Variants in TNKS observed in about 807,000 individuals in gnomAD.
TNKS encodes the protein tankyrase, also known as poly [ADP-ribose] polymerase tankyrase-1.
A neutral mutation model predicts 135.8 loss-of-function variants in TNKS; 72 were observed. That is an observed-to-expected ratio of 0.53 (90% CI 0.44 to 0.64). The LOEUF (loss-of-function observed/expected upper bound fraction) is 0.64. Among genes scored for constraint, TNKS ranks in the 30% least tolerant of loss-of-function variants. The pLI, the probability that TNKS is intolerant of heterozygous loss-of-function variation, is 0.00. For missense variants in TNKS, 1,769 were observed against 1,674.0 expected (o/e 1.06, Z -0.99); for synonymous variants, 849 against 649.3 (o/e 1.31, Z -4.68).
rs552034622 is a variant in TNKS at position 9,658,642 on chromosome 8, A to G, written c.995-21309A>G. On this transcript the variant is annotated intron_variant, in intron 3 of 26. Coordinates refer to ENST00000310430, the MANE Select transcript of TNKS (RefSeq NM_003747.3). ...CCACTGCAAAAACATGCCAAATTGT[A>G]AAGACCTTCAAGACTAGGAAGAAAC... Among the ~76,000 whole-genome samples the G allele has an allele frequency of 3.4e-4, 52 of 152,372 alleles. 2 individuals carry two copies. The South Asian group carries it at 0.011, about 32-fold the overall frequency.
chr8:9,573,292 C>T (rs1471508894), intron 1 of TNKS, among the ~76,000 whole-genome samples: 3 of 152,290 alleles, frequency 2.0e-5, no homozygotes, highest in East Asian at 1.9e-4. Context: ...AATTCCAGGG[C>T]TGCCACATGG....
At chr8:9,731,458 C>CT (rs1432920871) in intron 14 of TNKS, among the ~76,000 whole-genome samples, 9 of 54,994 alleles carry the variant, frequency 1.6e-4, no homozygotes, top group African/African-American at 4.7e-4. Flanking sequence ...GAAATTCCAT[C>CT]TCAAAAAAAA....
At chr8:9,635,414 G>C (rs1800473096) in intron 3 of TNKS, among the ~76,000 whole-genome samples, 1 of 152,176 alleles carries the variant, frequency 6.6e-6, no homozygotes, top group Admixed American at 6.5e-5. Flanking sequence ...TAATCAATGT[G>C]GAGGGACTGT....
intron 5 of TNKS, among the ~76,000 whole-genome samples, chr8:9,682,105 G>C (rs547471613): frequency 6.6e-6 from 1 of 152,042 alleles, no homozygotes; most frequent in Non-Finnish European, 1.5e-5. Flanking sequence ...TCACACTCTT[G>C]TGTGCACTTG....
intron 17 of TNKS, among the ~76,000 whole-genome samples, chr8:9,744,110 A>G (rs1055505649): frequency 1.3e-5 from 2 of 152,208 alleles, no homozygotes; most frequent in Admixed American, 6.5e-5. Context: ...AAAAAAATAC[A>G]TATTTATTTA....
At chr8:9,656,229 T>C (rs935110723) in intron 3 of TNKS, among the ~76,000 whole-genome samples, 2 of 152,138 alleles carry the variant, frequency 1.3e-5, no homozygotes, top group African/African-American at 2.4e-5. Context: ...CCAAGAAATA[T>C]GGAACTATGT....
intron 3 of TNKS, among the ~76,000 whole-genome samples, chr8:9,630,978 T>C (rs1378522620): frequency 6.6e-6 from 1 of 152,208 alleles, no homozygotes; most frequent in Non-Finnish European, 1.5e-5. Context: ...ACATACATTT[T>C]CATGACCTTT....
intron 20 of TNKS, among the ~76,000 whole-genome samples, chr8:9,756,975 T>G (rs370217069): frequency 1.4e-4 from 22 of 152,138 alleles, no homozygotes; most frequent in East Asian, 1.4e-3. Context: ...TTGTTTGTTT[T>G]TTTTTGTTTG....
At chr8:9,600,780 A>G (rs181619500) in intron 2 of TNKS, among the ~76,000 whole-genome samples, 3 of 152,174 alleles carry the variant, frequency 2.0e-5, no homozygotes, top group East Asian at 1.9e-4. Context: ...GGTCACTTTT[A>G]TATGAAAGAC....
chr8:9,714,572 CTG>C (rs1263975965), intron 11 of TNKS, among the ~76,000 whole-genome samples: 1 of 152,170 alleles, frequency 6.6e-6, no homozygotes, highest in East Asian at 2.0e-4. Flanking sequence ...ATAATCAAGA[CTG>C]TAGTAGATAC....
At position 9,774,509 on chromosome 8, in the gene TNKS, G is replaced by A. The variant is rs183243815; in HGVS notation, c.3898-2141G>A. Among the ~76,000 whole-genome samples, 66 of 152,262 alleles carry A rather than the reference G, an allele frequency of 4.3e-4. No individual in the cohort carries two copies. The Middle Eastern group carries it at 0.017, about 39-fold the overall frequency. On this transcript the variant is annotated intron_variant, in intron 26 of 26. Coordinates refer to ENST00000310430, the MANE Select transcript of TNKS (RefSeq NM_003747.3). The stretch of plus-strand genomic sequence containing the variant: ...AAATAAATACATACATACATCCTAC[G>A]CTGGTATAACCAGCATGGATTTAAA...
chr8:9,648,747 T>C (rs1161676156), intron 3 of TNKS, among the ~76,000 whole-genome samples: 2 of 152,194 alleles, frequency 1.3e-5, no homozygotes, highest in Non-Finnish European at 2.9e-5. Flanking sequence ...ATATGTGGTC[T>C]CTTATTGACC....
At chr8:9,581,447 C>T (rs751888201) in intron 2 of TNKS, among the ~76,000 whole-genome samples, 2 of 152,204 alleles carry the variant, frequency 1.3e-5, no homozygotes, top group African/African-American at 2.4e-5. Context: ...CTAAGTCTCT[C>T]ACTAACATAG....
chr8:9,779,478 G>A lies in TNKS; in HGVS notation c.*2742G>A, dbSNP rs1314048919. The A allele has an allele frequency of 6.6e-6, 1 of 152,064 alleles. No individual in the cohort carries two copies. Among genetic ancestry groups the A allele is most frequent in the East Asian group, 1.9e-4 (1 of 5,190 alleles). 9.4% of individuals were successfully genotyped at this position (152,064 alleles called of 1,614,324 possible). On this transcript the variant is annotated 3_prime_UTR_variant, in exon 27 of 27. Transcript: ENST00000310430. ...CTCTACCCGAGTTCCAAAACTAAAG[G>A]GCTTCTCCAGACCTGATGGTTCCAG...
At chr8:9,756,702 C>A (rs534499714) in intron 20 of TNKS, among the ~76,000 whole-genome samples, 57 of 152,248 alleles carry the variant, frequency 3.7e-4, no homozygotes, top group Admixed American at 9.8e-4. Flanking sequence ...TCATAGTTAC[C>A]CAGCTACAGA....
In TNKS at chr8:9,755,183, A is replaced by C. The variant is rs1300682192; in HGVS notation, c.3153+2557A>C. ...TTTTAAATTTATATCGTATATTCGCATTGTCAGTAACTGACTTCCTGTGGC... is the reference window on the plus strand; with the variant it reads ...TTTTAAATTTATATCGTATATTCGCCTTGTCAGTAACTGACTTCCTGTGGC... On this transcript the variant is annotated intron_variant, in intron 20 of 26. Coordinates refer to ENST00000310430, the MANE Select transcript of TNKS (RefSeq NM_003747.3). Among the ~76,000 whole-genome samples, 3 of 152,190 alleles carry C rather than the reference A, an allele frequency of 2.0e-5. No homozygotes were observed. In the East Asian group the frequency reaches 5.8e-4, roughly 29 times the overall value.
intron 3 of TNKS, among the ~76,000 whole-genome samples, chr8:9,623,564 G>A (rs550469922): frequency 1.2e-4 from 18 of 152,066 alleles, no homozygotes; most frequent in South Asian, 2.1e-4. Flanking sequence ...AAATGCTAAC[G>A]AAGTGAGCAC....
chr8:9,729,592 G>A (rs1805324888), intron 13 of TNKS, among the ~76,000 whole-genome samples: 1 of 152,074 alleles, frequency 6.6e-6, no homozygotes, highest in African/African-American at 2.4e-5. Context: ...AATCAGTAAA[G>A]CAGGGTTTGA....
intron 1 of TNKS, among the ~76,000 whole-genome samples, chr8:9,561,678 T>C (rs189846779): frequency 8.8e-4 from 134 of 152,338 alleles, no homozygotes; most frequent in Non-Finnish European, 1.6e-3. Context: ...AAAATCCTTT[T>C]TGTGGACACG....
Sources: allele counts gnomAD v4.1 joint callset (sites outside exome capture counted in the v4.1 genomes callset), GRCh38; gene constraint gnomAD v4.1.1; transcripts MANE v1.5; gene names NCBI Gene and HGNC (gene_info 2026-07-23, HGNC 2026-07-21).